SPAG6: variants seen among roughly 807,000 people sequenced by gnomAD.
SPAG6 encodes the protein sperm associated antigen 6.
Under a neutral mutation model 58.5 loss-of-function variants are expected in SPAG6, and 49 were observed. The observed-to-expected ratio is 0.84, with a 90% CI of 0.67 to 1.06. The LOEUF (loss-of-function observed/expected upper bound fraction) is 1.06, where lower values mean the gene tolerates loss of function less well. SPAG6 is among the 50% of genes least tolerant of loss of function. SPAG6 has a pLI of 0.00. For missense variants in SPAG6, 560 were observed against 611.3 expected, an observed-to-expected ratio of 0.92 and a Z score of 0.89; for synonymous variants, 233 against 225.6, an observed-to-expected ratio of 1.03 and a Z score of -0.29.
intron 2 of SPAG6, among the ~76,000 whole-genome samples, chr10:22,349,718 T>C (rs1355709549): frequency 2.0e-5 from 3 of 152,206 alleles, no homozygotes; most frequent in African/African-American, 7.2e-5. Flanking sequence ...AAATCAGTAG[T>C]TATGCACATT....
At chr10:22,390,307 T>C (rs559561133) in intron 7 of SPAG6, among the ~76,000 whole-genome samples, 6 of 152,262 alleles carry the variant, frequency 3.9e-5, no homozygotes, top group African/African-American at 9.6e-5. Context: ...ATGAAGCTTA[T>C]GCATGGGAAG....
intron 8 of SPAG6, among the ~76,000 whole-genome samples, chr10:22,400,337 T>A (rs535924269): frequency 6.6e-6 from 1 of 152,202 alleles, no homozygotes; most frequent in East Asian, 1.9e-4. Flanking sequence ...AACCCAATTG[T>A]TGTGAAGCTT....
At chr10:22,380,048 C>T (rs866929635) in intron 4 of SPAG6, among the ~76,000 whole-genome samples, 5 of 152,178 alleles carry the variant, frequency 3.3e-5, no homozygotes, top group Admixed American at 3.3e-4. Context: ...CCCACCTTGG[C>T]CTCCCAAAGT....
chr10:22,417,378 C>G lies in SPAG6; in HGVS notation c.*690C>G, dbSNP rs1207322407. ...ATACTCCTGCATACATGCTCTCCCT[C>G]TCATTGAAAGGTTTCTTAGTCTAGC... On this transcript the variant is annotated 3_prime_UTR_variant, in exon 11 of 11. Transcript: ENST00000376624. 6.6e-6 allele frequency: 1 copy of G among 152,162 alleles called. No individual in the cohort carries two copies. Among genetic ancestry groups the G allele is most frequent in the Non-Finnish European group, 1.5e-5 (1 of 68,020 alleles). 9.4% of individuals were successfully genotyped at this position (152,162 alleles called of 1,614,324 possible).
rs907277651 is a variant in SPAG6, at chr10:22,401,344, G to C, written c.1314+67G>C. The C allele has an allele frequency of 8.6e-6, 7 of 811,708 alleles. No homozygotes were observed. In the South Asian group the frequency reaches 9.0e-5, roughly 10 times the overall value. The allele number at this position is 811,708 out of a possible 1,614,324, so 50.3% of individuals were successfully genotyped here. A position where few individuals can be genotyped will look rare whatever the true frequency, so the allele number is the denominator to read the frequency against. On this transcript the variant is annotated intron_variant, in intron 9 of 10. Coordinates refer to ENST00000376624, the MANE Select transcript of SPAG6 (RefSeq NM_012443.4). ...TGATTTGTTGTTATTTTTTTTTTCT[G>C]TTGGGTCAGTAGCTTTTTCTGTAAC...
intron 4 of SPAG6, among the ~76,000 whole-genome samples, chr10:22,378,445 G>A (rs1833874930): frequency 6.7e-6 from 1 of 148,396 alleles, no homozygotes; most frequent in Admixed American, 6.7e-5. Flanking sequence ...TAAGCAAAAT[G>A]CAAAGTTATA....
chr10:22,409,003 C>A (rs1255764638), intron 9 of SPAG6, among the ~76,000 whole-genome samples: 1 of 151,608 alleles, frequency 6.6e-6, no homozygotes, highest in East Asian at 1.9e-4. Context: ...GCTCGCGCAC[C>A]CACTGACCTG....
intron 8 of SPAG6, among the ~76,000 whole-genome samples, chr10:22,393,908 C>A (rs562886448): frequency 6.6e-6 from 1 of 152,140 alleles, no homozygotes; most frequent in South Asian, 2.1e-4. Flanking sequence ...TACTCTATGG[C>A]AGGTTTCAAA....
chr10:22,389,136 C>G, intron 6 of SPAG6, 24 bp from the exon 7 acceptor site: 1 of 1,607,722 alleles, frequency 6.2e-7, no homozygotes. Context: ...TCCTGGTGAT[C>G]TAACTCTTGT....
In SPAG6 at chr10:22,386,786, G is replaced by T. The variant is rs1460514013; in HGVS notation, c.505G>T (p.Val169Phe). 8 of 1,613,598 alleles carry T rather than the reference G, an allele frequency of 5.0e-6. No homozygotes were observed. Among genetic ancestry groups the T allele is most frequent in the Non-Finnish European group, 5.9e-6 (7 of 1,179,606 alleles). Reference sequence around the variant, plus strand: ...ACAAGCTGTGGTGGATGCAGGAGCTGTTCCTCTTTTAGTACTCTGTATCCA... The same window carrying T: ...ACAAGCTGTGGTGGATGCAGGAGCTTTTCCTCTTTTAGTACTCTGTATCCA... ...LSQAVVDAGA[V>F]PLLVLCIQEP... The change falls in exon 5 of 11, where the codon GTT becomes TTT. Residue 169 changes from valine (V) to phenylalanine (F), a missense_variant. Val to Phe is a conservative substitution (Grantham distance 50). Transcript: ENST00000376624.
At chr10:22,367,412 ACT>A (rs2132052758) in intron 3 of SPAG6, among the ~76,000 whole-genome samples, 1 of 152,254 alleles carries the variant, frequency 6.6e-6, no homozygotes, top group East Asian at 1.9e-4. Flanking sequence ...AGCAACATAT[ACT>A]GATTTTTAAG....
intron 8 of SPAG6, among the ~76,000 whole-genome samples, chr10:22,397,209 GAC>G (rs375743518): frequency 4.0e-5 from 6 of 151,314 alleles, no homozygotes; most frequent in African/African-American, 9.7e-5. Context: ...CACACACACA[GAC>G]ACACACACAC....
intron 3 of SPAG6, 29 bp downstream of exon 3, chr10:22,365,048 T>A (rs1210007513): frequency 2.0e-6 from 3 of 1,512,062 alleles, no homozygotes; most frequent in Non-Finnish European, 2.7e-6. Flanking sequence ...TAGTTATATG[T>A]TTTTTTGTTT....
intron 10 of SPAG6, 109 bp from the exon 11 acceptor site, chr10:22,416,510 T>G (rs1460443807): frequency 1.5e-6 from 1 of 680,524 alleles, no homozygotes; most frequent in Non-Finnish European, 2.7e-6. Context: ...CAGAGTGTAT[T>G]TGAGATTTCA....
At position 22,351,625 on chromosome 10, in the gene SPAG6, G is replaced by T. The variant is rs185358021; in HGVS notation, c.121+5807G>T. Among the ~76,000 whole-genome samples, 34 of 152,244 alleles carry T rather than the reference G, an allele frequency of 2.2e-4. No individual in the cohort carries two copies. The East Asian group carries it at 6.4e-3, about 29-fold the overall frequency. On this transcript the variant is annotated intron_variant, in intron 2 of 10. Coordinates refer to ENST00000376624, the MANE Select transcript of SPAG6 (RefSeq NM_012443.4). ...TTCTTGCTTTTTAATCATGCTTTGT[G>T]TAAAGTACTTTTTGTTCACGGGGGC...
At chr10:22,386,307 A>C (rs1169427218) in intron 4 of SPAG6, among the ~76,000 whole-genome samples, 4 of 152,184 alleles carry the variant, frequency 2.6e-5, no homozygotes, top group African/African-American at 9.7e-5. Context: ...TATTGGCACA[A>C]GATTGATGTT....
At chr10:22,361,957 C>T (rs1360526606) in intron 2 of SPAG6, among the ~76,000 whole-genome samples, 1 of 147,526 alleles carries the variant, frequency 6.8e-6, no homozygotes, top group Non-Finnish European at 1.5e-5. Flanking sequence ...TAAACCACTG[C>T]CTTTACATAA....
chr10:22,400,386 G>T (rs1216868399), intron 8 of SPAG6, among the ~76,000 whole-genome samples: 1 of 152,076 alleles, frequency 6.6e-6, no homozygotes, highest in East Asian at 1.9e-4. Flanking sequence ...AAAAGAAAAT[G>T]AATCACAACC....
intron 8 of SPAG6, among the ~76,000 whole-genome samples, chr10:22,395,579 A>T (rs910554974): frequency 2.6e-5 from 4 of 152,144 alleles, no homozygotes; most frequent in Non-Finnish European, 4.4e-5. Context: ...TGGGTTATTT[A>T]TCTTTTTATT....
Sources: gnomAD v4.1 joint callset for allele counts (sites outside exome capture counted in the v4.1 genomes callset) on GRCh38, gnomAD v4.1.1 for gene constraint, MANE v1.5 for transcripts, NCBI Gene and HGNC (gene_info 2026-07-23, HGNC 2026-07-21) for gene names.